The following SH3GL2 variants were observed in gnomAD, a reference collection of about 807,000 sequenced individuals.
SH3GL2 encodes the protein SH3 domain containing GRB2 like 2, endophilin A1.
A neutral mutation model predicts 46.0 loss-of-function variants in SH3GL2; 24 were observed. The ratio of observed to expected loss-of-function variants is 0.52; its 90% CI spans 0.38 to 0.73. The LOEUF (loss-of-function observed/expected upper bound fraction) is 0.73. Among genes scored for constraint, SH3GL2 ranks in the 30% least tolerant of loss-of-function variants. The pLI is 0.00. For synonymous variants in SH3GL2, 196 were observed against 147.1 expected (o/e 1.33, Z -2.40); for missense variants, 413 against 424.2 (o/e 0.97, Z 0.23).
intron 1 of SH3GL2, among the ~76,000 whole-genome samples, chr9:17,688,458 C>T (rs529446961): frequency 5.9e-5 from 9 of 151,948 alleles, no homozygotes; most frequent in East Asian, 5.8e-4. Flanking sequence ...AGAAGACAAA[C>T]GAAAATAAGA....
Position 17,794,130 on chromosome 9 carries a change from A to C in SH3GL2, c.859+633A>C, listed in dbSNP as rs546437051. 1.2e-3 allele frequency among the ~76,000 whole-genome samples: 180 copies of C among 152,316 alleles called. 2 individuals are homozygous for C. In the South Asian group the frequency reaches 0.014, roughly 12 times the overall value. ...AAGCTAGATGACATTTTATCTCAGGAATATCGATGCATACCAAATAGAGCA... is the reference window on the plus strand; with the variant it reads ...AAGCTAGATGACATTTTATCTCAGGCATATCGATGCATACCAAATAGAGCA... On this transcript the variant is annotated intron_variant, in intron 8 of 8. Transcript: ENST00000380607.
At chr9:17,660,770 A>G (rs1320535003) in intron 1 of SH3GL2, among the ~76,000 whole-genome samples, 2 of 152,206 alleles carry the variant, frequency 1.3e-5, no homozygotes, top group Non-Finnish European at 2.9e-5. Context: ...ACCACACGCA[A>G]ACTTCCATGG....
At chr9:17,638,888 T>C (rs913570777) in intron 1 of SH3GL2, among the ~76,000 whole-genome samples, 3 of 152,230 alleles carry the variant, frequency 2.0e-5, no homozygotes, top group Non-Finnish European at 4.4e-5. Flanking sequence ...TCTGGAACTT[T>C]TAATGGACAT....
chr9:17,616,564 A>G (rs1819004631), intron 1 of SH3GL2, among the ~76,000 whole-genome samples: 1 of 152,190 alleles, frequency 6.6e-6, no homozygotes, highest in Non-Finnish European at 1.5e-5. Flanking sequence ...TCTGAGAGTC[A>G]GAGGAGGCTA....
At chr9:17,752,157 C>A (rs975594504) in intron 2 of SH3GL2, among the ~76,000 whole-genome samples, 8 of 152,062 alleles carry the variant, frequency 5.3e-5, no homozygotes, top group Non-Finnish European at 1.2e-4. Context: ...AGCTTGGGGA[C>A]AGATGGATTA....
chr9:17,748,124 CATTTT>C (rs1271449749), intron 2 of SH3GL2, among the ~76,000 whole-genome samples: 1 of 152,100 alleles, frequency 6.6e-6, no homozygotes, highest in Non-Finnish European at 1.5e-5. Flanking sequence ...CAAAACATCT[CATTTT>C]ATTTTTCTTG....
At chr9:17,773,688 A>G (rs1823559820) in intron 3 of SH3GL2, among the ~76,000 whole-genome samples, 1 of 152,106 alleles carries the variant, frequency 6.6e-6, no homozygotes, top group South Asian at 2.1e-4. Context: ...TGACAGTACC[A>G]CACTGTATTA....
chr9:17,629,345 G>A (rs1012063017), intron 1 of SH3GL2, among the ~76,000 whole-genome samples: 1 of 152,214 alleles, frequency 6.6e-6, no homozygotes, highest in African/African-American at 2.4e-5. Flanking sequence ...GATCACGTCT[G>A]TGAGATCCAT....
At chr9:17,669,443 T>C (rs550036349) in intron 1 of SH3GL2, among the ~76,000 whole-genome samples, 1 of 152,312 alleles carries the variant, frequency 6.6e-6, no homozygotes, top group South Asian at 2.1e-4. Context: ...TCATCTTCCC[T>C]AGCCTCTGGC....
chr9:17,584,941 G>A (rs1453445606), intron 1 of SH3GL2, among the ~76,000 whole-genome samples: 1 of 152,116 alleles, frequency 6.6e-6, no homozygotes, highest in East Asian at 1.9e-4. Flanking sequence ...ATGAATTTTG[G>A]TTTCAGTCTA....
chr9:17,604,215 G>A (rs1030759683), intron 1 of SH3GL2, among the ~76,000 whole-genome samples: 3 of 152,172 alleles, frequency 2.0e-5, no homozygotes, highest in Non-Finnish European at 4.4e-5. Context: ...TGGAGAGGCT[G>A]TGCAAAGTGC....
intron 8 of SH3GL2, 127 bp from the exon 9 acceptor site, chr9:17,795,417 G>A (rs1824246812): frequency 2.9e-6 from 2 of 679,028 alleles, no homozygotes; most frequent in African/African-American, 1.8e-5. Context: ...AGCTTCAACA[G>A]GAAGAGGAAT....
chr9:17,670,844 G>T (rs762431651), intron 1 of SH3GL2, among the ~76,000 whole-genome samples: 1 of 152,132 alleles, frequency 6.6e-6, no homozygotes, highest in Non-Finnish European at 1.5e-5. Flanking sequence ...AAATGTTAGT[G>T]GGTAACAGAT....
At chr9:17,653,876 C>G (rs1299809306) in intron 1 of SH3GL2, 1 of 979,878 alleles carries the variant, frequency 1.0e-6, no homozygotes, top group African/African-American at 1.8e-5. Context: ...GGGGCTGATG[C>G]AGAAGGTATG....
Position 17,633,388 on chromosome 9 carries a change from C to A in SH3GL2, c.45+54101C>A, listed in dbSNP as rs78993034. Among the ~76,000 whole-genome samples, 19 of 152,210 alleles carry A rather than the reference C, an allele frequency of 1.2e-4. No homozygotes were observed. The East Asian group carries it at 3.7e-3, about 29-fold the overall frequency. On this transcript the variant is annotated intron_variant, in intron 1 of 8. Coordinates refer to ENST00000380607, the MANE Select transcript of SH3GL2 (RefSeq NM_003026.5). ...GCTGCCAGTGACGTTAAAAAGTCATCCATGTAAAAGCATGGGTAACTGCTT... is the reference window on the plus strand; with the variant it reads ...GCTGCCAGTGACGTTAAAAAGTCATACATGTAAAAGCATGGGTAACTGCTT...
intron 1 of SH3GL2, among the ~76,000 whole-genome samples, chr9:17,615,973 C>T (rs1818984823): frequency 6.6e-6 from 1 of 152,080 alleles, no homozygotes; most frequent in Non-Finnish European, 1.5e-5. Flanking sequence ...AATTTGTGCT[C>T]AATGGCAGGA....
At chr9:17,778,417 G>C (rs370526469) in intron 3 of SH3GL2, among the ~76,000 whole-genome samples, 6 of 152,126 alleles carry the variant, frequency 3.9e-5, no homozygotes, top group Non-Finnish European at 8.8e-5. Flanking sequence ...AGAGTAAGAG[G>C]GGGAGAGAGT....
At chr9:17,724,746 G>A (rs1821980921) in intron 1 of SH3GL2, among the ~76,000 whole-genome samples, 1 of 152,108 alleles carries the variant, frequency 6.6e-6, no homozygotes. Context: ...TTAGTGACTT[G>A]GCTTTACTAA....
rs576270684 is a variant in SH3GL2 at position 17,744,303 on chromosome 9, C to A, written c.46-2763C>A. On this transcript the variant is annotated intron_variant, in intron 1 of 8. Transcript: ENST00000380607. ...GGGACAATATTAATAACCTTTAAGA[C>A]CCCCTCTATTCATGAGTTTCTGTAA... 9.9e-5 allele frequency among the ~76,000 whole-genome samples: 15 copies of A among 152,164 alleles called. No individual in the cohort carries two copies. In the South Asian group the frequency reaches 3.1e-3, roughly 32 times the overall value.
Sources: gnomAD v4.1 joint callset for allele counts (sites outside exome capture counted in the v4.1 genomes callset) on GRCh38, gnomAD v4.1.1 for gene constraint, MANE v1.5 for transcripts, NCBI Gene and HGNC (gene_info 2026-07-23, HGNC 2026-07-21) for gene names.